The following ACSS3 variants were observed in gnomAD, a reference collection of about 807,000 sequenced individuals.
The protein encoded by ACSS3 is acyl-CoA synthetase short-chain family member 3, mitochondrial.
Under a neutral mutation model 84.2 loss-of-function variants are expected in ACSS3, and 64 were observed. That is an observed-to-expected ratio of 0.76 (90% confidence interval 0.62 to 0.94). The LOEUF is 0.94. ACSS3 is among the 40% of genes least tolerant of loss of function. The pLI is 0.00. For missense variants in ACSS3, 815 were observed against 867.6 expected (o/e 0.94, Z 0.76); for synonymous variants, 317 against 310.1 (o/e 1.02, Z -0.23).
At chr12:81,239,740 C>T (rs1322426836) in intron 13 of ACSS3, among the ~76,000 whole-genome samples, 1 of 151,880 alleles carries the variant, frequency 6.6e-6, no homozygotes, top group African/African-American at 2.4e-5. Flanking sequence ...TTATGGAAGC[C>T]ACAATTCAAG....
At chr12:81,230,644 GAGAC>G (rs1322381063) in intron 11 of ACSS3, among the ~76,000 whole-genome samples, 2 of 151,942 alleles carry the variant, frequency 1.3e-5, no homozygotes, top group Non-Finnish European at 2.9e-5. Flanking sequence ...ATTACACAGA[GAGAC>G]AGGCAAAGAT....
intron 8 of ACSS3, among the ~76,000 whole-genome samples, chr12:81,192,080 T>G (rs1485065354): frequency 6.6e-6 from 1 of 152,134 alleles, no homozygotes; most frequent in African/African-American, 2.4e-5. Flanking sequence ...ATATCACTGT[T>G]ATAAGAAAAT....
At chr12:81,201,208 C>A (rs1366799350) in intron 9 of ACSS3, among the ~76,000 whole-genome samples, 1 of 152,080 alleles carries the variant, frequency 6.6e-6, no homozygotes. Flanking sequence ...TTTATGTATC[C>A]CCTATTAGCC....
intron 13 of ACSS3, among the ~76,000 whole-genome samples, chr12:81,243,956 A>C (rs1362250394): frequency 1.3e-5 from 2 of 152,092 alleles, no homozygotes; most frequent in African/African-American, 4.8e-5. Context: ...TATTTATACA[A>C]ATTTCTGACG....
At chr12:81,112,231 C>T (rs1393051314) in intron 2 of ACSS3, among the ~76,000 whole-genome samples, 1 of 152,142 alleles carries the variant, frequency 6.6e-6, no homozygotes, top group Non-Finnish European at 1.5e-5. Context: ...CATGAAAATA[C>T]TGGCAAATTC....
chr12:81,192,875 A>G (rs1481652944), intron 8 of ACSS3, among the ~76,000 whole-genome samples: 1 of 152,120 alleles, frequency 6.6e-6, no homozygotes, highest in Admixed American at 6.5e-5. Flanking sequence ...TGATGCCTTA[A>G]GTGCTATTGC....
At chr12:81,150,512 G>A (rs1304496978) in intron 5 of ACSS3, among the ~76,000 whole-genome samples, 2 of 152,188 alleles carry the variant, frequency 1.3e-5, no homozygotes, top group Non-Finnish European at 2.9e-5. Flanking sequence ...ACATGGGAAG[G>A]TGCACGTGTA....
At position 81,151,833 on chromosome 12, in the gene ACSS3, T is replaced by C. The variant is rs754032093; in HGVS notation, c.922-11T>C. 1 of 1,607,400 alleles carries C rather than the reference T, an allele frequency of 6.2e-7. No individual in the cohort carries two copies. Among genetic ancestry groups the C allele is most frequent in the South Asian group, 1.1e-5 (1 of 89,258 alleles). On this transcript the variant is annotated splice_polypyrimidine_tract_variant and intron_variant, in intron 5 of 15. Transcript: ENST00000548058. The stretch of plus-strand genomic sequence containing the variant: ...GTTTATTGATTTTAATTTCACTTTT[T>C]CTCTCCTTAGGGTGTGATTAGGCCC...
At chr12:81,169,228 A>G (rs879388569) in intron 7 of ACSS3, among the ~76,000 whole-genome samples, 2 of 152,176 alleles carry the variant, frequency 1.3e-5, no homozygotes, top group Admixed American at 1.3e-4. Flanking sequence ...CATCCCTAGC[A>G]AGTAAGAATC....
intron 13 of ACSS3, 28 bp downstream of exon 13, chr12:81,233,499 C>T: frequency 6.2e-7 from 1 of 1,608,036 alleles, no homozygotes. Flanking sequence ...TATTCTATTC[C>T]AAGTAGTGCT....
chr12:81,119,041 G>C (rs1234363350), intron 2 of ACSS3, among the ~76,000 whole-genome samples: 1 of 152,046 alleles, frequency 6.6e-6, no homozygotes, highest in Non-Finnish European at 1.5e-5. Flanking sequence ...AGTGTCGGCC[G>C]ATCTGAGAAA....
At chr12:81,148,033 A>G (rs914892138) in intron 5 of ACSS3, among the ~76,000 whole-genome samples, 1 of 151,900 alleles carries the variant, frequency 6.6e-6, no homozygotes, top group South Asian at 2.1e-4. Flanking sequence ...TTTGCCTTGT[A>G]TGATTCTTTA....
At chr12:81,219,640 TA>T (rs1463183373) in intron 10 of ACSS3, among the ~76,000 whole-genome samples, 3 of 152,130 alleles carry the variant, frequency 2.0e-5, no homozygotes, top group African/African-American at 7.2e-5. Flanking sequence ...TTGTTGCGTA[TA>T]TTTTTTGGTG....
chr12:81,198,848 A>G (rs190363534), intron 8 of ACSS3, among the ~76,000 whole-genome samples: 2 of 152,234 alleles, frequency 1.3e-5, no homozygotes, highest in East Asian at 3.9e-4. Flanking sequence ...AAAAATATAT[A>G]CTCAAAATTA....
chr12:81,188,052 T>TA (rs926552439), intron 8 of ACSS3, among the ~76,000 whole-genome samples: 2 of 152,066 alleles, frequency 1.3e-5, no homozygotes, highest in South Asian at 2.1e-4. Context: ...ATTCACTGGC[T>TA]AAAAAAACTT....
intron 2 of ACSS3, among the ~76,000 whole-genome samples, chr12:81,131,683 G>C (rs926476481): frequency 3.3e-5 from 5 of 152,194 alleles, no homozygotes; most frequent in African/African-American, 1.2e-4. Flanking sequence ...AGTGGTGAGA[G>C]AGGGCATCCC....
At chr12:81,106,433 T>C (rs1883002717) in intron 1 of ACSS3, among the ~76,000 whole-genome samples, 1 of 152,116 alleles carries the variant, frequency 6.6e-6, no homozygotes. Context: ...TTATGGTGAG[T>C]TGTATAATTA....
At chr12:81,118,145 TTTAC>T (rs1884207636) in intron 2 of ACSS3, 1 of 152,182 alleles carries the variant, frequency 6.6e-6, no homozygotes, top group Non-Finnish European at 1.5e-5. Context: ...TAATTAAACA[TTTAC>T]TTAATAACTG....
chr12:81,235,509 A>T (rs1303866010), intron 13 of ACSS3, among the ~76,000 whole-genome samples: 1 of 151,306 alleles, frequency 6.6e-6, no homozygotes, highest in African/African-American at 2.4e-5. Flanking sequence ...AAAATTTTCT[A>T]TAGGTACAAT....
Sources: allele counts gnomAD v4.1 joint callset (sites outside exome capture counted in the v4.1 genomes callset), GRCh38; gene constraint gnomAD v4.1.1; transcripts MANE v1.5; gene names NCBI Gene and HGNC (gene_info 2026-07-23, HGNC 2026-07-21).